SEC14L1: variants seen among roughly 807,000 people sequenced by gnomAD.
SEC14L1 encodes the protein SEC14 like lipid binding 1.
SEC14L1 carries 48 observed loss-of-function variants against 85.3 expected under a neutral mutation model. The ratio of observed to expected loss-of-function variants is 0.56; its 90% CI spans 0.45 to 0.72. The LOEUF is 0.72. SEC14L1 is among the 30% of genes least tolerant of loss of function. The pLI is 0.00. For synonymous variants in SEC14L1, 391 were observed against 355.5 expected (o/e 1.10, Z -1.12); for missense variants, 682 against 921.4 (o/e 0.74, Z 3.36).
chr17:77,177,621 A>G (rs1380374228), intron 3 of SEC14L1, among the ~76,000 whole-genome samples: 1 of 152,106 alleles, frequency 6.6e-6, no homozygotes, highest in Non-Finnish European at 1.5e-5. Flanking sequence ...TTTGTCTTTA[A>G]CTAGAACAAT....
chr17:77,173,380 C>T (rs1974606915), intron 3 of SEC14L1, among the ~76,000 whole-genome samples: 1 of 136,536 alleles, frequency 7.3e-6, no homozygotes. Flanking sequence ...GGGAAGGGTC[C>T]AGGGCGGCTG....
intron 3 of SEC14L1, among the ~76,000 whole-genome samples, chr17:77,126,325 A>AGGGCCT (rs1231554890): frequency 6.6e-6 from 1 of 152,242 alleles, no homozygotes; most frequent in African/African-American, 2.4e-5. Flanking sequence ...TGCCTAGCAC[A>AGGGCCT]GGGCCTGGGC....
chr17:77,191,199 G>A lies in SEC14L1; in HGVS notation c.232G>A (p.Val78Ile). 6.2e-7 allele frequency: 1 copy of A among 1,611,652 alleles called. No individual in the cohort carries two copies. The highest frequency in any genetic ancestry group is 8.5e-7 in the Non-Finnish European group (1 of 1,178,050). Residue 78 changes from valine (V) to isoleucine (I), a missense_variant, in exon 5 of 17, where the codon GTT becomes ATT. Transcript: ENST00000436233. ...TTTGAAGATTGCAGGAGTTGATTAT[G>A]TTTATTTTGTCCAGAAAAACTCACT... is the stretch of plus-strand genomic sequence containing the variant. The part of the protein sequence containing the change: ...LLKKIAGVDY[V>I]YFVQKNSLNS...
intron 5 of SEC14L1, among the ~76,000 whole-genome samples, chr17:77,192,871 A>G (rs908143871): frequency 6.6e-6 from 1 of 152,170 alleles, no homozygotes; most frequent in Non-Finnish European, 1.5e-5. Flanking sequence ...TCTGTTGCCC[A>G]GGCTGGTCTC....
At chr17:77,189,903 C>T (rs1225075498) in intron 3 of SEC14L1, among the ~76,000 whole-genome samples, 1 of 152,224 alleles carries the variant, frequency 6.6e-6, no homozygotes, top group Non-Finnish European at 1.5e-5. Context: ...GCTGAGATTA[C>T]AAGCGTGAGC....
chr17:77,213,559 C>A lies in SEC14L1; in HGVS notation c.2042+67C>A, dbSNP rs1284780759. On this transcript the variant is annotated intron_variant, in intron 16 of 16. Coordinates refer to ENST00000436233, the MANE Select transcript of SEC14L1 (RefSeq NM_001143998.2). The surrounding 1 kb of genome is among the most constrained non-coding windows in gnomAD (Gnocchi z 7.1). ...GCATGGTTGGAGGGAGCCTGCAGTC[C>A]CACGCCGTGTGCAGGATCAGCAGTG... 16 of 1,564,886 alleles carry A rather than the reference C, an allele frequency of 1.0e-5. No individual in the cohort carries two copies. Among genetic ancestry groups the A allele is most frequent in the Non-Finnish European group, 1.3e-5 (15 of 1,150,808 alleles).
At chr17:77,192,250 T>A (rs1333343385) in intron 5 of SEC14L1, among the ~76,000 whole-genome samples, 4 of 152,232 alleles carry the variant, frequency 2.6e-5, no homozygotes, top group African/African-American at 4.8e-5. Context: ...TTCAAGAACT[T>A]CTTTTATCAG....
chr17:77,182,359 C>T (rs1265600147), intron 3 of SEC14L1, among the ~76,000 whole-genome samples: 1 of 152,174 alleles, frequency 6.6e-6, no homozygotes, highest in African/African-American at 2.4e-5. Flanking sequence ...TGCCAGCCTT[C>T]CAAATTGCAG....
At chr17:77,175,402 A>G (rs1974709063) in intron 3 of SEC14L1, among the ~76,000 whole-genome samples, 1 of 152,250 alleles carries the variant, frequency 6.6e-6, no homozygotes, top group Non-Finnish European at 1.5e-5. Flanking sequence ...TAGTGGCGTG[A>G]AAGCAGGGAT....
chr17:77,125,741 C>T (rs1972430503), intron 3 of SEC14L1, among the ~76,000 whole-genome samples: 1 of 152,200 alleles, frequency 6.6e-6, no homozygotes. Context: ...CCCTGGCCAT[C>T]CCACGTGCCT....
chr17:77,178,682 C>T (rs911290211), intron 3 of SEC14L1, among the ~76,000 whole-genome samples: 8 of 152,198 alleles, frequency 5.3e-5, no homozygotes, highest in Admixed American at 2.0e-4. Context: ...GCTTACAGAG[C>T]GTGCAGCCTC....
Position 77,216,501 on chromosome 17 carries a change from G to A in SEC14L1, c.*2478G>A, listed in dbSNP as rs779334864. On this transcript the variant is annotated 3_prime_UTR_variant, in exon 17 of 17. Transcript: ENST00000436233. ...GTGCTTCCTGTTCCCAAATCACAAG[G>A]GCCTGAAGGTGGTCCCTGCTTTCTC... 3 of 1,612,794 alleles carry A rather than the reference G, an allele frequency of 1.9e-6. No homozygotes were observed. Among genetic ancestry groups the A allele is most frequent in the Non-Finnish European group, 8.5e-7 (1 of 1,179,262 alleles).
At chr17:77,114,897 A>G (rs1029675608) in intron 3 of SEC14L1, among the ~76,000 whole-genome samples, 3 of 150,934 alleles carry the variant, frequency 2.0e-5, no homozygotes, top group Non-Finnish European at 4.4e-5. Flanking sequence ...ATTAAGTCCC[A>G]GTAGCATTTT....
chr17:77,174,563 G>A (rs1846286239), intron 3 of SEC14L1, among the ~76,000 whole-genome samples: 1 of 152,152 alleles, frequency 6.6e-6, no homozygotes, highest in Non-Finnish European at 1.5e-5. Context: ...TGTGGTATTT[G>A]TAGGCCTTTT....
chr17:77,156,337 A>G lies in SEC14L1; in HGVS notation c.63+12678A>G, dbSNP rs145087321. Reference sequence around the variant, plus strand: ...CACTTGTAATCCCAGCACTTTGGGAAGCTGAGGCAGGCGGATCACTTGAGG... The same window carrying G: ...CACTTGTAATCCCAGCACTTTGGGAGGCTGAGGCAGGCGGATCACTTGAGG... On this transcript the variant is annotated intron_variant, in intron 3 of 16. Transcript: ENST00000436233. 3.5e-3 allele frequency among the ~76,000 whole-genome samples: 535 copies of G among 152,220 alleles called. 1 individual carries two copies. The highest frequency in any genetic ancestry group is 0.012 in the African/African-American group (498 of 41,542).
In SEC14L1 at chr17:77,214,213, A is replaced by T; in HGVS notation, c.*190A>T. 7.2e-7 allele frequency: 1 copy of T among 1,393,770 alleles called. No homozygotes were observed. Among genetic ancestry groups the T allele is most frequent in the Non-Finnish European group, 9.3e-7 (1 of 1,077,700 alleles). The allele number at this position is 1,393,770 out of a possible 1,614,324, so 86.3% of individuals were successfully genotyped here. On this transcript the variant is annotated 3_prime_UTR_variant, in exon 17 of 17. Coordinates refer to ENST00000436233, the MANE Select transcript of SEC14L1 (RefSeq NM_001143998.2). ...GGCAGGTAGTTTTAACTCTGATCCT[A>T]ACTTAACTCAATAGCCATAGATTTT...
intron 3 of SEC14L1, among the ~76,000 whole-genome samples, chr17:77,116,580 C>T (rs748434151): frequency 3.3e-5 from 5 of 152,082 alleles, no homozygotes; most frequent in African/African-American, 7.2e-5. Flanking sequence ...ATGTGACGGA[C>T]CTGGTTTTCA....
In SEC14L1 at chr17:77,215,217, A is replaced by G; in HGVS notation, c.*1194A>G. The G allele has an allele frequency of 1.0e-6, 1 of 985,346 alleles. No homozygotes were observed. The highest frequency in any genetic ancestry group is 1.2e-6 in the Non-Finnish European group (1 of 829,926). The allele number at this position is 985,346 out of a possible 1,614,324, so 61.0% of individuals were successfully genotyped here. A position where few individuals can be genotyped will look rare whatever the true frequency, so the allele number is the denominator to read the frequency against. On this transcript the variant is annotated 3_prime_UTR_variant, in exon 17 of 17. Coordinates refer to ENST00000436233, the MANE Select transcript of SEC14L1 (RefSeq NM_001143998.2). ...TTTGTTTGCCTTTTACATTTTGTTT[A>G]ATTCCTGATTTTAAAGCCTGCTCTA...
intron 7 of SEC14L1, 178 bp downstream of exon 7, chr17:77,195,089 C>CT (rs1975738858): frequency 3.5e-6 from 2 of 576,526 alleles, no homozygotes; most frequent in African/African-American, 1.9e-5. Flanking sequence ...TTCATTTTAC[C>CT]TTTTATTAGA....
Sources: allele counts gnomAD v4.1 joint callset (sites outside exome capture counted in the v4.1 genomes callset), GRCh38; gene constraint gnomAD v4.1.1; non-coding constraint Gnocchi (gnomAD v3.1); transcripts MANE v1.5; gene names NCBI Gene and HGNC (gene_info 2026-07-23, HGNC 2026-07-21).